The following CAST variants were observed in gnomAD, a reference collection of about 807,000 sequenced individuals.
CAST encodes calpastatin.
In CAST, 76 loss-of-function variants were observed where a neutral mutation model predicts 119.6. The ratio of observed to expected loss-of-function variants is 0.64; its 90% CI spans 0.53 to 0.77. The LOEUF is 0.77. CAST is among the 30% of genes least tolerant of loss of function. The pLI, the probability that CAST is intolerant of heterozygous loss-of-function variation, is 0.00. For missense variants in CAST, 953 were observed against 946.5 expected (o/e 1.01, Z -0.09); for synonymous variants, 319 against 331.6 (o/e 0.96, Z 0.41).
the CAST span, among the ~76,000 whole-genome samples, chr5:96,496,040 T>A: frequency 6.6e-6 from 1 of 152,166 alleles, no homozygotes. Flanking sequence ...TTTTCATATG[T>A]GATAAAAAAA....
chr5:96,412,306 A>G, the CAST span: 1 of 1,611,582 alleles, frequency 6.2e-7, no homozygotes, highest in Non-Finnish European at 8.5e-7. Context: ...GGGTCTGTGT[A>G]AAGCATCTTA....
chr5:96,419,489 G>C, the CAST span, among the ~76,000 whole-genome samples: 1 of 149,500 alleles, frequency 6.7e-6, no homozygotes, highest in African/African-American at 2.5e-5. Context: ...ACTCAAGGAA[G>C]TAGAGATTCT....
the CAST span, among the ~76,000 whole-genome samples, chr5:96,260,896 T>C: frequency 3.3e-5 from 5 of 152,232 alleles, no homozygotes; most frequent in South Asian, 8.3e-4. Flanking sequence ...TGTGAGTGAA[T>C]AATATATAAA....
intron 16 of CAST, among the ~76,000 whole-genome samples, chr5:96,745,397 T>A (rs1217719084): frequency 1.3e-5 from 2 of 152,230 alleles, no homozygotes; most frequent in African/African-American, 2.4e-5. Flanking sequence ...TTTGTTTTGT[T>A]TTTTATATTT....
At chr5:96,133,975 C>T in the CAST span, among the ~76,000 whole-genome samples, 5 of 152,154 alleles carry the variant, frequency 3.3e-5, no homozygotes, top group African/African-American at 4.8e-5. Flanking sequence ...AGGTTTTACC[C>T]CAAACAAGTG....
chr5:96,719,826 C>T (rs1288416742), intron 3 of CAST, among the ~76,000 whole-genome samples: 1 of 152,152 alleles, frequency 6.6e-6, no homozygotes, highest in East Asian at 1.9e-4. Context: ...CCAGGCCTGG[C>T]GTACACAGCT....
chr5:96,492,302 G>A, the CAST span, among the ~76,000 whole-genome samples: 2 of 152,206 alleles, frequency 1.3e-5, no homozygotes, highest in African/African-American at 2.4e-5. Context: ...TAAGAGATCC[G>A]TGGAAAGTGA....
chr5:96,293,320 C>T, the CAST span, among the ~76,000 whole-genome samples: 1 of 152,110 alleles, frequency 6.6e-6, no homozygotes, highest in Non-Finnish European at 1.5e-5. Flanking sequence ...CTCTTTTTGC[C>T]CAGACTGGAG....
At chr5:96,439,639 G>C in the CAST span, among the ~76,000 whole-genome samples, 1 of 152,122 alleles carries the variant, frequency 6.6e-6, no homozygotes, top group Non-Finnish European at 1.5e-5. Flanking sequence ...AGAGACATCA[G>C]GCACAGTTAA....
chr5:96,331,633 T>A, the CAST span, among the ~76,000 whole-genome samples: 1 of 152,268 alleles, frequency 6.6e-6, no homozygotes, highest in African/African-American at 2.4e-5. Context: ...ACATGCTTTT[T>A]AAATATGTTT....
chr5:96,081,804 T>C, the CAST span, among the ~76,000 whole-genome samples: 1 of 152,230 alleles, frequency 6.6e-6, no homozygotes, highest in African/African-American at 2.4e-5. Context: ...ATTAGAATTC[T>C]TAAAAATTTA....
the CAST span, among the ~76,000 whole-genome samples, chr5:96,044,365 A>T: frequency 6.6e-6 from 1 of 152,150 alleles, no homozygotes. Flanking sequence ...AAAGGTTAAA[A>T]CTTGCCCCTT....
chr5:96,552,923 C>A (rs894392953), intron 1 of CAST, among the ~76,000 whole-genome samples: 1 of 152,016 alleles, frequency 6.6e-6, no homozygotes, highest in Non-Finnish European at 1.5e-5. Flanking sequence ...AATTAACAGC[C>A]TACTAACAAA....
In CAST at chr5:96,568,303, G is replaced by A. The variant is rs181359918; in HGVS notation, c.60+38423G>A. Among the ~76,000 whole-genome samples the A allele has an allele frequency of 1.1e-4, 16 of 152,164 alleles. No homozygotes were observed. In the East Asian group the frequency reaches 2.7e-3, roughly 26 times the overall value. ...CAGAAGGCCGGACACGGTGGCTCAC[G>A]CCTGTAATCTCAGCACTTTGGGAGG... On this transcript the variant is annotated intron_variant, in intron 1 of 11. Transcript: ENST00000505143.
At chr5:96,200,083 C>G in the CAST span, among the ~76,000 whole-genome samples, 25 of 152,222 alleles carry the variant, frequency 1.6e-4, no homozygotes, top group Non-Finnish European at 2.8e-4. Context: ...GGGGCATCGG[C>G]GCTGAACACC....
chr5:96,533,381 A>C (rs1745727398), intron 1 of CAST, among the ~76,000 whole-genome samples: 1 of 152,214 alleles, frequency 6.6e-6, no homozygotes, highest in African/African-American at 2.4e-5. Flanking sequence ...CCCACAGAGG[A>C]AAGTCTCCAG....
the CAST span, among the ~76,000 whole-genome samples, chr5:96,473,283 A>T: frequency 6.6e-6 from 1 of 152,220 alleles, no homozygotes; most frequent in East Asian, 1.9e-4. Context: ...ATTACAACTG[A>T]GTGATAACGT....
the CAST span, among the ~76,000 whole-genome samples, chr5:96,165,181 T>G: frequency 3.4e-5 from 5 of 148,582 alleles, no homozygotes; most frequent in Non-Finnish European, 1.5e-5. Context: ...CCTTAGTCTT[T>G]TTTTTTCCCA....
chr5:96,354,251 G>C, the CAST span, among the ~76,000 whole-genome samples: 1 of 151,996 alleles, frequency 6.6e-6, no homozygotes, highest in East Asian at 1.9e-4. Flanking sequence ...CAGCCAACAG[G>C]ATTTTTAAAA....
Sources: allele counts gnomAD v4.1 joint callset (sites outside exome capture counted in the v4.1 genomes callset), GRCh38; gene constraint gnomAD v4.1.1; transcripts MANE v1.5; gene names NCBI Gene and HGNC (gene_info 2026-07-23, HGNC 2026-07-21).